KCNS3: variants seen among roughly 807,000 people sequenced by gnomAD.
The protein encoded by KCNS3 is delayed-rectifier potassium channel regulatory subunit KCNS3.
A neutral mutation model predicts 31.0 loss-of-function variants in KCNS3; 13 were observed. The ratio of observed to expected loss-of-function variants is 0.42; its 90% CI spans 0.27 to 0.67. The LOEUF (loss-of-function observed/expected upper bound fraction) is 0.67, where lower values mean the gene tolerates loss of function less well. Among genes scored for constraint, KCNS3 ranks in the 30% least tolerant of loss-of-function variants. The probability of loss-of-function intolerance (pLI) is 0.25; values close to 1 mark genes in which losing one functional copy is unlikely to be tolerated. For synonymous variants in KCNS3, 238 were observed against 241.5 expected, an observed-to-expected ratio of 0.99 and a Z score of 0.13; for missense variants, 545 against 622.4, an observed-to-expected ratio of 0.88 and a Z score of 1.32.
intron 1 of KCNS3, among the ~76,000 whole-genome samples, chr2:17,914,514 T>A (rs1254461424): frequency 6.6e-6 from 1 of 152,228 alleles, no homozygotes; most frequent in Non-Finnish European, 1.5e-5. Flanking sequence ...CCAGCCTCAG[T>A]CTTTCACACT....
intron 2 of KCNS3, among the ~76,000 whole-genome samples, chr2:17,926,601 T>C (rs1193050888): frequency 6.6e-6 from 1 of 152,236 alleles, no homozygotes; most frequent in East Asian, 1.9e-4. Flanking sequence ...CATCAAGGAT[T>C]GGGGCTTGCG....
intron 1 of KCNS3, among the ~76,000 whole-genome samples, chr2:17,899,329 T>C (rs57980508): frequency 0.056 from 8,486 of 152,270 alleles, 585 homozygotes; most frequent in African/African-American, 0.17. Flanking sequence ...GTGATCCACA[T>C]ATTAACCCAT....
chr2:17,901,061 A>T (rs1662162317), intron 1 of KCNS3, among the ~76,000 whole-genome samples: 6 of 152,212 alleles, frequency 3.9e-5, no homozygotes, highest in Admixed American at 3.9e-4. Context: ...ACAGCTAGTG[A>T]GTGCCGAATC....
chr2:17,921,951 AT>A (rs1662725084), intron 2 of KCNS3, among the ~76,000 whole-genome samples: 6 of 135,272 alleles, frequency 4.4e-5, no homozygotes, highest in South Asian at 2.3e-4. Flanking sequence ...ATATATATAT[AT>A]ATATATAAAT....
In KCNS3 at chr2:17,930,357, A is replaced by G. The variant is rs566517675; in HGVS notation, c.-59-593A>G. On this transcript the variant is annotated intron_variant, in intron 2 of 2. Coordinates refer to ENST00000304101, the MANE Select transcript of KCNS3 (RefSeq NM_002252.5). ...ACAGGGAGATAATTATATCCTCTTG[A>G]TTGTCCACATCCAAACACAGGGAGT... Among the ~76,000 whole-genome samples, 289 of 152,280 alleles carry G rather than the reference A, an allele frequency of 1.9e-3. 1 individual carries two copies. The highest frequency in any genetic ancestry group is 2.6e-3 in the Non-Finnish European group (179 of 68,028).
chr2:17,905,790 C>G (rs568180643), intron 1 of KCNS3, among the ~76,000 whole-genome samples: 1 of 152,314 alleles, frequency 6.6e-6, no homozygotes, highest in Non-Finnish European at 1.5e-5. Flanking sequence ...TTGAACCAGT[C>G]TTGCATCCCA....
rs758042404 is a variant in KCNS3, at chr2:17,932,116, A to T, written c.1108A>T (p.Thr370Ser). The T allele has an allele frequency of 1.3e-5, 21 of 1,613,598 alleles. No homozygotes were observed. The Admixed American group carries it at 2.2e-4, about 17-fold the overall frequency. ...GTGGTGGGCCACCATCAGCATGACA[A>T]CTGTGGGCTATGGAGACACCCACCC... ...CWWWATISMTTVGYGDTHPVT... is the reference protein window; with the variant it reads ...CWWWATISMTSVGYGDTHPVT... Residue 370 changes from threonine (T) to serine (S), a missense_variant, in exon 3 of 3, where the codon ACT becomes TCT. Thr to Ser is a moderately conservative substitution (Grantham distance 58). Transcript: ENST00000304101.
chr2:17,879,799 C>T (rs933243071), intron 1 of KCNS3, among the ~76,000 whole-genome samples: 1 of 152,218 alleles, frequency 6.6e-6, no homozygotes, highest in Admixed American at 6.5e-5. Flanking sequence ...TGGCCCGCAG[C>T]AGGGGCAGAG....
intron 1 of KCNS3, among the ~76,000 whole-genome samples, chr2:17,891,871 C>G (rs891892966): frequency 1.2e-4 from 19 of 152,110 alleles, no homozygotes; most frequent in Admixed American, 7.2e-4. Context: ...TTTCCTTTGT[C>G]TCAGCTTTGG....
Position 17,932,087 on chromosome 2 carries a change from G to C in KCNS3, c.1079G>C (p.Cys360Ser), listed in dbSNP as rs754251858. The change falls in exon 3 of 3, where the codon TGC becomes TCC. Residue 360 changes from cysteine (C) to serine (S), a missense_variant. By Grantham distance (112) the Cys-to-Ser change is moderately radical. Coordinates refer to ENST00000304101, the MANE Select transcript of KCNS3 (RefSeq NM_002252.5). ...TCCAGCCTCACCAGCATCCCCATCT[G>C]CTGGTGGTGGGCCACCATCAGCATG... is the stretch of plus-strand genomic sequence containing the variant. ...HTSSLTSIPI[C>S]WWWATISMTT... 6.2e-7 allele frequency: 1 copy of C among 1,614,066 alleles called. No homozygotes were observed. The highest frequency in any genetic ancestry group is 8.5e-7 in the Non-Finnish European group (1 of 1,180,016).
At chr2:17,916,561 C>T (rs1265194014) in intron 1 of KCNS3, among the ~76,000 whole-genome samples, 1 of 152,184 alleles carries the variant, frequency 6.6e-6, no homozygotes, top group African/African-American at 2.4e-5. Context: ...TGGGAATTTA[C>T]CCCTCTGCAA....
In KCNS3 at chr2:17,931,468, A is replaced by G; in HGVS notation, c.460A>G (p.Lys154Glu). 6.2e-7 allele frequency: 1 copy of G among 1,614,164 alleles called. No homozygotes were observed. The change falls in exon 3 of 3, where the codon AAA (lysine) becomes GAA (glutamate). Residue 154 changes from lysine (K) to glutamate (E), a missense_variant. Transcript: ENST00000304101. This position sits in a 1 kb window ranked among gnomAD's most constrained non-coding sequence, Gnocchi z 5.4. ...SSFEESSLFE[K>E]ELEKFDTLRF... ...GTTTGAAGAGTCGTCTCTGTTTGAG[A>G]AAGAGCTGGAGAAGTTTGACACACT... is the stretch of plus-strand genomic sequence containing the variant.
At chr2:17,921,913 G>GTC (rs1373281256) in intron 2 of KCNS3, among the ~76,000 whole-genome samples, 1 of 34,106 alleles carries the variant, frequency 2.9e-5, no homozygotes, top group Non-Finnish European at 5.4e-5. Context: ...GTGTGTGTGT[G>GTC]TGTATATATA....
intron 1 of KCNS3, among the ~76,000 whole-genome samples, chr2:17,904,565 T>G (rs924462285): frequency 1.3e-5 from 2 of 152,134 alleles, no homozygotes. Context: ...ATTGCCTAGG[T>G]TTTCCTCTAG....
chr2:17,911,714 C>T (rs961449997), intron 1 of KCNS3, among the ~76,000 whole-genome samples: 3 of 152,160 alleles, frequency 2.0e-5, no homozygotes, highest in South Asian at 4.1e-4. Context: ...CTCTTTTGTA[C>T]TTAGCATATT....
chr2:17,908,615 T>C (rs1177609436), intron 1 of KCNS3, among the ~76,000 whole-genome samples: 2 of 152,242 alleles, frequency 1.3e-5, no homozygotes, highest in Non-Finnish European at 2.9e-5. Context: ...TCTTTGATAA[T>C]GGTGACGTAC....
intron 1 of KCNS3, among the ~76,000 whole-genome samples, chr2:17,882,765 C>A (rs1261625363): frequency 6.6e-6 from 1 of 152,172 alleles, no homozygotes; most frequent in Non-Finnish European, 1.5e-5. Context: ...TTAAAATGTA[C>A]AACAAAATGT....
intron 1 of KCNS3, among the ~76,000 whole-genome samples, chr2:17,886,800 C>T (rs936925963): frequency 5.3e-5 from 8 of 152,154 alleles, no homozygotes; most frequent in African/African-American, 1.9e-4. Context: ...ACCTACCCAC[C>T]TTTGCCACAG....
At chr2:17,915,992 T>G (rs960526295) in intron 1 of KCNS3, among the ~76,000 whole-genome samples, 1 of 151,980 alleles carries the variant, frequency 6.6e-6, no homozygotes, top group African/African-American at 2.4e-5. Flanking sequence ...ATAAAAAGGA[T>G]ACACTTGGCT....
Sources: allele counts gnomAD v4.1 joint callset (sites outside exome capture counted in the v4.1 genomes callset), GRCh38; gene constraint gnomAD v4.1.1; non-coding constraint Gnocchi (gnomAD v3.1); transcripts MANE v1.5; gene names NCBI Gene and HGNC (gene_info 2026-07-23, HGNC 2026-07-21).